The following MLLT1 variants were observed in gnomAD, a reference collection of about 807,000 sequenced individuals.
MLLT1 encodes MLLT1 super elongation complex subunit.
Under a neutral mutation model 55.1 loss-of-function variants are expected in MLLT1, and 11 were observed. That is an observed-to-expected ratio of 0.20 (90% CI 0.13 to 0.33). MLLT1 has a LOEUF of 0.33. MLLT1 is among the 10% of genes least tolerant of loss of function. The pLI is 1.00. For synonymous variants in MLLT1, 323 were observed against 320.1 expected, an observed-to-expected ratio of 1.01 and a Z score of -0.10; for missense variants, 536 against 760.6, an observed-to-expected ratio of 0.70 and a Z score of 3.47.
intron 1 of MLLT1, among the ~76,000 whole-genome samples, chr19:6,275,243 C>T (rs117339589): frequency 2.0e-5 from 3 of 152,314 alleles, no homozygotes; most frequent in South Asian, 2.1e-4. Context: ...ACCTGGAGTT[C>T]GGCTACTGCA....
In MLLT1 at chr19:6,231,880, T is replaced by C. The variant is rs2091014163; in HGVS notation, c.277-1167A>G. On this transcript the variant is annotated intron_variant, in intron 3 of 11. Coordinates refer to ENST00000252674, the MANE Select transcript of MLLT1 (RefSeq NM_005934.4). This position sits in a 1 kb window ranked among gnomAD's most constrained non-coding sequence, Gnocchi z 5.1. ...ATGTAAGCCACAGGTCCCAGGGGAGTGTGGGAAAACCGCACTATGACAAGC... is the reference window on the plus strand; with the variant it reads ...ATGTAAGCCACAGGTCCCAGGGGAGCGTGGGAAAACCGCACTATGACAAGC... Among the ~76,000 whole-genome samples, 1 of 151,562 alleles carries C rather than the reference T, an allele frequency of 6.6e-6. No individual in the cohort carries two copies. Among genetic ancestry groups the C allele is most frequent in the African/African-American group, 2.4e-5 (1 of 41,214 alleles).
At chr19:6,224,205 T>C (rs944954399) in intron 5 of MLLT1, among the ~76,000 whole-genome samples, 21 of 152,194 alleles carry the variant, frequency 1.4e-4, no homozygotes, top group Non-Finnish European at 1.2e-4. Context: ...CCACATTCAG[T>C]GTCAAAGGCT....
rs966557004 is a variant in MLLT1, at chr19:6,229,795, C to A, written c.420+775G>T. ...CGACACACACCCCATACCACACATG[C>A]CACTCACACCATACACGAGACACAT... On this transcript the variant is annotated intron_variant, in intron 4 of 11. Coordinates refer to ENST00000252674, the MANE Select transcript of MLLT1 (RefSeq NM_005934.4). The surrounding 1 kb of genome is among the most constrained non-coding windows in gnomAD (Gnocchi z 5.2). Among the ~76,000 whole-genome samples, 4 of 151,908 alleles carry A rather than the reference C, an allele frequency of 2.6e-5. No individual in the cohort carries two copies. The highest frequency in any genetic ancestry group is 7.3e-5 in the African/African-American group (3 of 41,312).
At chr19:6,246,887 T>C (rs2091173283) in intron 3 of MLLT1, among the ~76,000 whole-genome samples, 3 of 152,356 alleles carry the variant, frequency 2.0e-5, no homozygotes, top group South Asian at 4.1e-4. Context: ...AATAACCTTG[T>C]ACCCTTGCAG....
rs2090774410 is a variant in MLLT1, at chr19:6,211,750, C to T, written c.*1292G>A. ...GGCAGGCCTCCAGCCCCTGGGACCC[C>T]CAGCCACGATGGGCTGGCTCCGCGG... On this transcript the variant is annotated 3_prime_UTR_variant, in exon 12 of 12. Coordinates refer to ENST00000252674, the MANE Select transcript of MLLT1 (RefSeq NM_005934.4). The surrounding 1 kb of genome is among the most constrained non-coding windows in gnomAD (Gnocchi z 4.6). The T allele has an allele frequency of 2.8e-6, 3 of 1,063,802 alleles. No individual in the cohort carries two copies. The highest frequency in any genetic ancestry group is 3.4e-6 in the Non-Finnish European group (3 of 878,368). The allele number at this position is 1,063,802 out of a possible 1,614,324, so 65.9% of individuals were successfully genotyped here.
chr19:6,262,407 T>C lies in MLLT1; in HGVS notation c.194-97A>G, dbSNP rs1344866544. On this transcript the variant is annotated intron_variant, in intron 2 of 11. Coordinates refer to ENST00000252674, the MANE Select transcript of MLLT1 (RefSeq NM_005934.4). This position sits in a 1 kb window ranked among gnomAD's most constrained non-coding sequence, Gnocchi z 4.4. ...CGCACCCCTCAACCCCACCACCTCC[T>C]CACAGGGGCTTGGCTGGCCTCTCGG... 1.0e-6 allele frequency: 1 copy of C among 992,778 alleles called. No homozygotes were observed. The highest frequency in any genetic ancestry group is 1.6e-5 in the African/African-American group (1 of 61,764). The allele number at this position is 992,778 out of a possible 1,614,324, so 61.5% of individuals were successfully genotyped here. A position where few individuals can be genotyped will look rare whatever the true frequency, so the allele number is the denominator to read the frequency against.
chr19:6,210,572 C>T lies in MLLT1; in HGVS notation c.*2470G>A, dbSNP rs956648892. 3 of 221,724 alleles carry T rather than the reference C, an allele frequency of 1.4e-5. No homozygotes were observed. The highest frequency in any genetic ancestry group is 6.7e-5 in the African/African-American group (3 of 44,600). 13.7% of individuals were successfully genotyped at this position (221,724 alleles called of 1,614,324 possible). A position where few individuals can be genotyped will look rare whatever the true frequency, so the allele number is the denominator to read the frequency against. The stretch of plus-strand genomic sequence containing the variant: ...GTCCTAGTTCCTAGTGAGACACGTT[C>T]TTTGTAAAAACCCTTATGGGCAAGA... On this transcript the variant is annotated 3_prime_UTR_variant, in exon 12 of 12. Transcript: ENST00000252674. The surrounding 1 kb of genome is among the most constrained non-coding windows in gnomAD (Gnocchi z 4.6).
At chr19:6,238,793 CG>C (rs1471618930) in intron 3 of MLLT1, among the ~76,000 whole-genome samples, 1 of 152,034 alleles carries the variant, frequency 6.6e-6, no homozygotes, top group Non-Finnish European at 1.5e-5. Flanking sequence ...CAGCAGCAAA[CG>C]CCTTCTCCAC....
intron 3 of MLLT1, among the ~76,000 whole-genome samples, chr19:6,241,629 G>T (rs567089470): frequency 6.6e-6 from 1 of 152,336 alleles, no homozygotes; most frequent in African/African-American, 2.4e-5. Context: ...GCGCAGGGTT[G>T]CGCAGCACCT....
At chr19:6,258,956 G>GCTAC (rs1172045439) in intron 3 of MLLT1, among the ~76,000 whole-genome samples, 8 of 152,270 alleles carry the variant, frequency 5.3e-5, no homozygotes, top group African/African-American at 1.4e-4. Context: ...CGGGCCAAGT[G>GCTAC]CTACACCTGC....
Position 6,222,028 on chromosome 19 carries a change from G to A in MLLT1, c.1110+93C>T. The A allele has an allele frequency of 8.9e-7, 1 of 1,126,000 alleles. No homozygotes were observed. The highest frequency in any genetic ancestry group is 1.2e-6 in the Non-Finnish European group (1 of 843,576). 69.8% of individuals were successfully genotyped at this position (1,126,000 alleles called of 1,614,324 possible). On this transcript the variant is annotated intron_variant, in intron 6 of 11. Transcript: ENST00000252674. The surrounding 1 kb of genome is among the most constrained non-coding windows in gnomAD (Gnocchi z 4.1). ...GCAGCTGGTGAGACCTGAGGTCCTG[G>A]CTCAGATCCCACCTCCTTCCGCTGT...
At chr19:6,274,029 G>A (rs563675124) in intron 1 of MLLT1, among the ~76,000 whole-genome samples, 136 of 152,362 alleles carry the variant, frequency 8.9e-4, no homozygotes, top group Admixed American at 1.5e-3. Context: ...CCGGCAGGCC[G>A]GGCCCAAAGT....
Position 6,212,341 on chromosome 19 carries a change from G to C in MLLT1, c.*701C>G. Reference sequence around the variant, plus strand: ...ATGCGCCTGGAGAGGGCCAGCTGCCGTGCCTGGCTCGGCCTCCAGCCCCAC... The same window carrying C: ...ATGCGCCTGGAGAGGGCCAGCTGCCCTGCCTGGCTCGGCCTCCAGCCCCAC... On this transcript the variant is annotated 3_prime_UTR_variant, in exon 12 of 12. Coordinates refer to ENST00000252674, the MANE Select transcript of MLLT1 (RefSeq NM_005934.4). 9.6e-7 allele frequency: 1 copy of C among 1,044,750 alleles called. No homozygotes were observed. Among genetic ancestry groups the C allele is most frequent in the East Asian group, 5.1e-5 (1 of 19,446 alleles). 64.7% of individuals were successfully genotyped at this position (1,044,750 alleles called of 1,614,324 possible). A position where few individuals can be genotyped will look rare whatever the true frequency, so the allele number is the denominator to read the frequency against.
At position 6,265,051 on chromosome 19, in the gene MLLT1, A is replaced by AC. The variant is rs1336896504; in HGVS notation, c.194-2742_194-2741insG. 6.4e-4 allele frequency among the ~76,000 whole-genome samples: 24 copies of AC among 37,738 alleles called. 1 individual carries two copies. Among genetic ancestry groups the AC allele is most frequent in the African/African-American group, 9.4e-4 (21 of 22,306 alleles). 24.8% of individuals were successfully genotyped at this position (37,738 alleles called of 152,430 possible). On this transcript the variant is annotated intron_variant, in intron 2 of 11. Coordinates refer to ENST00000252674, the MANE Select transcript of MLLT1 (RefSeq NM_005934.4). ...CATAGTGAACAGCAAAAAAAAAACA[A>AC]AAAAACAAAAAAACAAAAAAAAACA...
chr19:6,277,952 T>TA (rs1373077532), intron 1 of MLLT1, among the ~76,000 whole-genome samples: 3 of 152,324 alleles, frequency 2.0e-5, no homozygotes, highest in Non-Finnish European at 4.4e-5. Context: ...CCTTACCTCT[T>TA]AAGAAGAAGG....
In MLLT1 at chr19:6,213,415, AG is replaced by A. The variant is rs751133832; in HGVS notation, c.1480-8del. ...CCAGCTCATCCGTGTAGGCCTGGGG[AG>A]GGGGGGCAGGTCTCAGCAGCGTGTG... is the stretch of plus-strand genomic sequence containing the variant. On this transcript the variant is annotated splice_polypyrimidine_tract_variant and splice_region_variant and intron_variant, in intron 10 of 11. Transcript: ENST00000252674. The A allele has an allele frequency of 6.2e-6, 10 of 1,606,982 alleles. No individual in the cohort carries two copies. Among genetic ancestry groups the A allele is most frequent in the Middle Eastern group, 1.6e-4 (1 of 6,080 alleles).
chr19:6,214,795 C>G (rs1466086621), intron 8 of MLLT1, among the ~76,000 whole-genome samples: 1 of 152,210 alleles, frequency 6.6e-6, no homozygotes, highest in Admixed American at 6.5e-5. Context: ...ACACAGCAAA[C>G]CCCAGGCCTC....
intron 3 of MLLT1, among the ~76,000 whole-genome samples, chr19:6,237,760 T>A (rs1280669655): frequency 7.5e-6 from 1 of 132,516 alleles, no homozygotes; most frequent in African/African-American, 3.0e-5. Context: ...GAGACTCTTG[T>A]CTCAAAAAAA....
chr19:6,274,754 G>C (rs766755733), intron 1 of MLLT1, among the ~76,000 whole-genome samples: 7 of 152,182 alleles, frequency 4.6e-5, no homozygotes, highest in Admixed American at 2.6e-4. Flanking sequence ...GACTGTCCCG[G>C]AAAGAGCTGT....
Sources: allele counts gnomAD v4.1 joint callset (sites outside exome capture counted in the v4.1 genomes callset), GRCh38; gene constraint gnomAD v4.1.1; non-coding constraint Gnocchi (gnomAD v3.1); transcripts MANE v1.5; gene names NCBI Gene and HGNC (gene_info 2026-07-23, HGNC 2026-07-21).